Variants in PLS3 observed in about 807,000 individuals in gnomAD.
PLS3 encodes the protein plastin 3, also known as plastin-3.
PLS3 carries 11 observed loss-of-function variants against 46.5 expected under a neutral mutation model. The observed-to-expected ratio is 0.24, with a 90% CI of 0.15 to 0.39. The LOEUF is 0.39. PLS3 is among the 10% of genes least tolerant of loss of function. The probability of loss-of-function intolerance (pLI) is 1.00; values close to 1 mark genes in which losing one functional copy is unlikely to be tolerated. For synonymous variants in PLS3, 167 were observed against 162.2 expected (o/e 1.03, Z -0.22); for missense variants, 308 against 461.8 (o/e 0.67, Z 3.05).
Position 115,622,167 on chromosome X carries a change from A to G in PLS3, c.74-79A>G, listed in dbSNP as rs115460141. On this transcript the variant is annotated intron_variant, in intron 2 of 15. Transcript: ENST00000355899. ...TTATGTAAGTGAGCTTATGAACTGA[A>G]CCTCAAATGAAGGGAAATACTCTAA... 7,393 of 768,661 alleles carry G rather than the reference A, an allele frequency of 9.6e-3. 324 individuals carry two copies. The African/African-American group carries it at 0.13, about 14-fold the overall frequency. 63.3% of individuals were successfully genotyped at this position (768,661 alleles called of 1,213,427 possible).
At chrX:115,574,670 C>T (rs979992042) in intron 1 of PLS3, among the ~76,000 whole-genome samples, 1 of 110,969 alleles carries the variant, frequency 9.0e-6, no homozygotes. Context: ...ACCTCCGCCT[C>T]CCAGATTCAA....
rs782478143 is a variant in PLS3 at position 115,565,696 on chromosome X, T to C, written c.-9+4436T>C. Among the ~76,000 whole-genome samples the C allele has an allele frequency of 8.0e-4, 90 of 112,151 alleles. 2 individuals carry two copies. The highest frequency in any genetic ancestry group is 2.8e-3 in the African/African-American group (86 of 30,960). On this transcript the variant is annotated intron_variant, in intron 1 of 15. Coordinates refer to ENST00000355899, the MANE Select transcript of PLS3 (RefSeq NM_005032.7). ...TTGATGCAATTGCATTGATCCAAGC[T>C]AAATACTTTGTTGGCAAATTGATGA...
At chrX:115,595,566 A>G (rs1193196938) in intron 1 of PLS3, among the ~76,000 whole-genome samples, 4 of 110,624 alleles carry the variant, frequency 3.6e-5, no homozygotes, top group Non-Finnish European at 7.6e-5. Flanking sequence ...GGATAAATGT[A>G]GAATCTGTGA....
At position 115,566,296 on chromosome X, in the gene PLS3, C is replaced by G. The variant is rs149945422; in HGVS notation, c.-9+5036C>G. 2.9e-3 allele frequency among the ~76,000 whole-genome samples: 325 copies of G among 112,423 alleles called. 2 individuals are homozygous for G. The highest frequency in any genetic ancestry group is 9.7e-3 in the African/African-American group (301 of 31,039). On this transcript the variant is annotated intron_variant, in intron 1 of 15. Coordinates refer to ENST00000355899, the MANE Select transcript of PLS3 (RefSeq NM_005032.7). ...CAAGCAAAGGAAAAATAAAGCCAGA[C>G]ATATTATAATGAAAAATAAGAGACT...
Position 115,649,648 on chromosome X carries a change from G to A in PLS3, c.*87G>A. On this transcript the variant is annotated 3_prime_UTR_variant, in exon 16 of 16. Transcript: ENST00000355899. ...CCAGGTGAAGTGCTTATGGCTTAAGGAACTCTTGGCCATTCAAAGGACTTT... is the reference window on the plus strand; with the variant it reads ...CCAGGTGAAGTGCTTATGGCTTAAGAAACTCTTGGCCATTCAAAGGACTTT... The A allele has an allele frequency of 1.1e-6, 1 of 892,208 alleles. No individual in the cohort carries two copies. Among genetic ancestry groups the A allele is most frequent in the East Asian group, 3.2e-5 (1 of 31,492 alleles). 73.5% of individuals were successfully genotyped at this position (892,208 alleles called of 1,213,427 possible).
chrX:115,567,944 T>G (rs782295681), intron 1 of PLS3, among the ~76,000 whole-genome samples: 1 of 111,646 alleles, frequency 9.0e-6, no homozygotes, highest in Non-Finnish European at 1.9e-5. Context: ...GTTTTGAATA[T>G]TCATATTATT....
chrX:115,611,363 G>C (rs1363275440), intron 2 of PLS3, among the ~76,000 whole-genome samples: 1 of 111,985 alleles, frequency 8.9e-6, no homozygotes, highest in Non-Finnish European at 1.9e-5. Flanking sequence ...GTGTGTGTGT[G>C]TATAAAAATA....
chrX:115,620,334 G>A (rs962410524), intron 2 of PLS3, among the ~76,000 whole-genome samples: 2 of 110,936 alleles, frequency 1.8e-5, no homozygotes, highest in East Asian at 5.6e-4. Context: ...TTCTCTACCC[G>A]AAATCTCTTG....
chrX:115,634,653 A>T (rs1345365714), intron 6 of PLS3, among the ~76,000 whole-genome samples: 1 of 112,355 alleles, frequency 8.9e-6, no homozygotes, highest in African/African-American at 3.2e-5. Context: ...ATACAAAGTT[A>T]ACTTCTCATG....
At chrX:115,576,431 C>T (rs1556631205) in intron 1 of PLS3, among the ~76,000 whole-genome samples, 1 of 111,420 alleles carries the variant, frequency 9.0e-6, no homozygotes, top group African/African-American at 3.3e-5. Flanking sequence ...ATTAGCCAGG[C>T]ATGGTGGCGT....
At chrX:115,631,309 G>T (rs2074772999) in intron 5 of PLS3, among the ~76,000 whole-genome samples, 1 of 109,238 alleles carries the variant, frequency 9.2e-6, no homozygotes, top group African/African-American at 3.3e-5. Flanking sequence ...GACCTCAGGT[G>T]ATCTGCCCGC....
At chrX:115,629,034 G>A (rs1222551348) in intron 3 of PLS3, among the ~76,000 whole-genome samples, 164 bp from the exon 4 acceptor site, 1 of 111,746 alleles carries the variant, frequency 8.9e-6, no homozygotes, top group Non-Finnish European at 1.9e-5. Context: ...AAGGGGTATT[G>A]TAGTACTTGT....
intron 1 of PLS3, among the ~76,000 whole-genome samples, chrX:115,573,924 G>A (rs782193409): frequency 4.5e-4 from 50 of 110,830 alleles, no homozygotes; most frequent in Non-Finnish European, 8.9e-4. Flanking sequence ...GGCTGGTCTC[G>A]AACTCCTGGC....
chrX:115,631,764 TTC>T (rs1248209771), intron 5 of PLS3, among the ~76,000 whole-genome samples: 1 of 110,886 alleles, frequency 9.0e-6, no homozygotes, highest in African/African-American at 3.3e-5. Flanking sequence ...TTCCTTTGTG[TTC>T]TGTTTACAAG....
At chrX:115,620,706 C>CTTTT (rs1176959674) in intron 2 of PLS3, among the ~76,000 whole-genome samples, 162 of 54,704 alleles carry the variant, frequency 3.0e-3, no homozygotes, top group African/African-American at 5.2e-3. Context: ...TTTTTCTTTT[C>CTTTT]TTTTTTTTTT....
chrX:115,620,690 C>CTTTTTTTTTTTTTTCTT (rs370878043), intron 2 of PLS3, among the ~76,000 whole-genome samples: 6 of 69,183 alleles, frequency 8.7e-5, no homozygotes, highest in Non-Finnish European at 1.2e-4. Context: ...ATGCTTTTTT[C>CTTTTTTTTTTTTTTCTT]TTTTTTTTTT....
chrX:115,610,201 C>T (rs1556635917), intron 1 of PLS3, 42 bp from the exon 2 acceptor site: 1 of 693,427 alleles, frequency 1.4e-6, no homozygotes, highest in Non-Finnish European at 2.2e-6. Flanking sequence ...TTATATTTAT[C>T]ACAATTTTTT....
At chrX:115,582,494 G>A (rs1298171220) in intron 1 of PLS3, among the ~76,000 whole-genome samples, 1 of 112,030 alleles carries the variant, frequency 8.9e-6, no homozygotes, top group Non-Finnish European at 1.9e-5. Context: ...ATACAATTGA[G>A]GCATCTCAGT....
intron 2 of PLS3, among the ~76,000 whole-genome samples, chrX:115,617,329 G>A (rs1248847806): frequency 8.9e-6 from 1 of 111,885 alleles, no homozygotes; most frequent in East Asian, 2.8e-4. Flanking sequence ...AGATCTGAAG[G>A]CTGCTGGGTA....
Sources: gnomAD v4.1 joint callset for allele counts (sites outside exome capture counted in the v4.1 genomes callset) on GRCh38, gnomAD v4.1.1 for gene constraint, MANE v1.5 for transcripts, NCBI Gene and HGNC (gene_info 2026-07-23, HGNC 2026-07-21) for gene names.